The following PCDHGA7 variants were observed in gnomAD, a reference collection of about 807,000 sequenced individuals.
The protein encoded by PCDHGA7 is protocadherin gamma subfamily A, 7.
A neutral mutation model predicts 58.3 loss-of-function variants in PCDHGA7; 44 were observed. The observed-to-expected ratio is 0.75, with a 90% CI of 0.59 to 0.97. The LOEUF (loss-of-function observed/expected upper bound fraction) is 0.97. PCDHGA7 is among the 50% of genes least tolerant of loss of function. PCDHGA7 has a pLI of 0.00. For missense variants in PCDHGA7, 1,266 were observed against 1,188.7 expected, an observed-to-expected ratio of 1.06 and a Z score of -0.96; for synonymous variants, 516 against 504.2, an observed-to-expected ratio of 1.02 and a Z score of -0.31.
chr5:141,481,475 C>T (rs1423011632), intron 1 of PCDHGA7, among the ~76,000 whole-genome samples: 1 of 152,200 alleles, frequency 6.6e-6, no homozygotes, highest in Non-Finnish European at 1.5e-5. Context: ...TTGGATTATA[C>T]ACTTTAAATA....
Position 141,485,668 on chromosome 5 carries a change from T to C in PCDHGA7, c.2425-9139T>C. 6.2e-7 allele frequency: 1 copy of C among 1,612,698 alleles called. No homozygotes were observed. The highest frequency in any genetic ancestry group is 1.3e-5 in the African/African-American group (1 of 74,972). ...CTCAGGATGCAGATGTGGGGAGCAA[T>C]TCGATTAGCAGCTATAGGCTGAGCT... On this transcript the variant is annotated intron_variant, in intron 1 of 3. Transcript: ENST00000518325. The surrounding 1 kb of genome is among the most constrained non-coding windows in gnomAD (Gnocchi z 5.7).
intron 1 of PCDHGA7, among the ~76,000 whole-genome samples, chr5:141,458,664 G>A (rs544369246): frequency 6.6e-6 from 1 of 152,196 alleles, no homozygotes; most frequent in African/African-American, 2.4e-5. Context: ...CCACCTCTCG[G>A]GTTCAAGCAA....
At chr5:141,393,246 A>G (rs1434145740) in intron 1 of PCDHGA7, 2 of 1,613,694 alleles carry the variant, frequency 1.2e-6, no homozygotes, top group Non-Finnish European at 1.7e-6. Flanking sequence ...AATTAACGAA[A>G]TCGCGGTTCC....
Position 141,490,398 on chromosome 5 carries a change from C to A in PCDHGA7, c.2425-4409C>A. 1 of 1,614,168 alleles carries A rather than the reference C, an allele frequency of 6.2e-7. No homozygotes were observed. Among genetic ancestry groups the A allele is most frequent in the South Asian group, 1.1e-5 (1 of 91,088 alleles). On this transcript the variant is annotated intron_variant, in intron 1 of 3. Coordinates refer to ENST00000518325, the MANE Select transcript of PCDHGA7 (RefSeq NM_018920.4). This position sits in a 1 kb window ranked among gnomAD's most constrained non-coding sequence, Gnocchi z 5.4. ...ACTCAGGTAGAAATGGTGAAGTGAG[C>A]CTTGATATCTCTCCGGACCTGCCAT...
At position 141,487,075 on chromosome 5, in the gene PCDHGA7, C is replaced by T. The variant is rs755563146; in HGVS notation, c.2425-7732C>T. The T allele has an allele frequency of 1.9e-6, 3 of 1,614,116 alleles. No individual in the cohort carries two copies. The highest frequency in any genetic ancestry group is 2.5e-6 in the Non-Finnish European group (3 of 1,179,982). ...GGGAGGTGCGGACGGCTGTTCCTATCCCAGCTGACCTCCCACCACAGAAGC... is the reference window on the plus strand; with the variant it reads ...GGGAGGTGCGGACGGCTGTTCCTATTCCAGCTGACCTCCCACCACAGAAGC... On this transcript the variant is annotated intron_variant, in intron 1 of 3. Transcript: ENST00000518325. This position sits in a 1 kb window ranked among gnomAD's most constrained non-coding sequence, Gnocchi z 5.0.
chr5:141,399,643 C>T, intron 1 of PCDHGA7: 1 of 1,613,832 alleles, frequency 6.2e-7, no homozygotes, highest in Non-Finnish European at 8.5e-7. Context: ...CATGAGCGCG[C>T]AAAGTGGGGT....
At chr5:141,437,589 T>C (rs929281293) in intron 1 of PCDHGA7, among the ~76,000 whole-genome samples, 10 of 152,306 alleles carry the variant, frequency 6.6e-5, no homozygotes, top group African/African-American at 2.2e-4. Flanking sequence ...ATGAATTGGA[T>C]AGTTCTGGTG....
At chr5:141,459,831 G>A (rs907978430) in intron 1 of PCDHGA7, among the ~76,000 whole-genome samples, 1 of 152,150 alleles carries the variant, frequency 6.6e-6, no homozygotes, top group Admixed American at 6.6e-5. Context: ...CTTTTCATGT[G>A]TTGTCTATTT....
chr5:141,411,921 T>C (rs1426892834), intron 1 of PCDHGA7: 1 of 152,234 alleles, frequency 6.6e-6, no homozygotes, highest in Non-Finnish European at 1.5e-5. Context: ...TCAGTCTCTG[T>C]CTCTGATTCT....
Position 141,476,220 on chromosome 5 carries a change from A to G in PCDHGA7, c.2425-18587A>G, listed in dbSNP as rs770978000. On this transcript the variant is annotated intron_variant, in intron 1 of 3. Coordinates refer to ENST00000518325, the MANE Select transcript of PCDHGA7 (RefSeq NM_018920.4). This position sits in a 1 kb window ranked among gnomAD's most constrained non-coding sequence, Gnocchi z 7.6. Reference sequence around the variant, plus strand: ...AACAAGGCTTCCACGGTCATTCACTATGAGATCCCGGAGGAAAGAGAGAAG... The same window carrying G: ...AACAAGGCTTCCACGGTCATTCACTGTGAGATCCCGGAGGAAAGAGAGAAG... 44 of 1,613,884 alleles carry G rather than the reference A, an allele frequency of 2.7e-5. No individual in the cohort carries two copies. The highest frequency in any genetic ancestry group is 3.4e-5 in the Non-Finnish European group (40 of 1,180,004).
At chr5:141,478,936 G>A in intron 1 of PCDHGA7, 1 of 633,220 alleles carries the variant, frequency 1.6e-6, no homozygotes, top group African/African-American at 1.9e-5. Context: ...GCAGCTTCTA[G>A]GAATACAAAA....
Position 141,511,303 on chromosome 5 carries a change from C to T in PCDHGA7, c.*130C>T, listed in dbSNP as rs2099883709. 2.7e-6 allele frequency: 4 copies of T among 1,490,160 alleles called. No homozygotes were observed. Among genetic ancestry groups the T allele is most frequent in the Non-Finnish European group, 3.6e-6 (4 of 1,116,196 alleles). 92.3% of individuals were successfully genotyped at this position (1,490,160 alleles called of 1,614,324 possible). ...CTGGTAGGGGCCAAGGCCATGCTCC[C>T]CTTGGGAAACAGAAACAAGTGCCCA... On this transcript the variant is annotated 3_prime_UTR_variant, in exon 4 of 4. Coordinates refer to ENST00000518325, the MANE Select transcript of PCDHGA7 (RefSeq NM_018920.4).
At chr5:141,415,810 T>TATATATC in intron 1 of PCDHGA7, 1 of 1,360,418 alleles carries the variant, frequency 7.4e-7, no homozygotes, top group Non-Finnish European at 9.5e-7. Flanking sequence ...AATCAAGGCC[T>TATATATC]ATATATCATA....
intron 1 of PCDHGA7, chr5:141,409,463 A>G (rs751200597): frequency 1.2e-6 from 2 of 1,613,744 alleles, no homozygotes; most frequent in Non-Finnish European, 1.7e-6. Context: ...ATACAATGTC[A>G]CCATCGTAGC....
At chr5:141,414,587 G>A (rs775783880) in intron 1 of PCDHGA7, 5 of 1,613,828 alleles carry the variant, frequency 3.1e-6, no homozygotes, top group Non-Finnish European at 8.5e-7. Context: ...AACAACGCCA[G>A]GGGTGCCTCC....
At chr5:141,387,637 G>A (rs1397986235) in intron 1 of PCDHGA7, 14 of 603,144 alleles carry the variant, frequency 2.3e-5, no homozygotes, top group Non-Finnish European at 3.7e-5. Context: ...GGGCGCCGCT[G>A]TTGGCCAAAG....
In PCDHGA7 at chr5:141,489,200, G is replaced by A. The variant is rs1483035320; in HGVS notation, c.2425-5607G>A. The A allele has an allele frequency of 2.8e-6, 4 of 1,412,792 alleles. No individual in the cohort carries two copies. The highest frequency in any genetic ancestry group is 3.9e-6 in the Non-Finnish European group (4 of 1,038,374). The allele number at this position is 1,412,792 out of a possible 1,614,324, so 87.5% of individuals were successfully genotyped here. A position where few individuals can be genotyped will look rare whatever the true frequency, so the allele number is the denominator to read the frequency against. On this transcript the variant is annotated intron_variant, in intron 1 of 3. Coordinates refer to ENST00000518325, the MANE Select transcript of PCDHGA7 (RefSeq NM_018920.4). This position sits in a 1 kb window ranked among gnomAD's most constrained non-coding sequence, Gnocchi z 4.5. ...AAGCCCTGGGTCTACCTTGGAGACAGGACAGCACAGACTTACTCTCCACAA... is the reference window on the plus strand; with the variant it reads ...AAGCCCTGGGTCTACCTTGGAGACAAGACAGCACAGACTTACTCTCCACAA...
At chr5:141,482,943 G>T (rs2099574928) in intron 1 of PCDHGA7, among the ~76,000 whole-genome samples, 1 of 152,086 alleles carries the variant, frequency 6.6e-6, no homozygotes, top group Non-Finnish European at 1.5e-5. Context: ...TGTGGTTGTG[G>T]GTGCCTGTAA....
chr5:141,476,978 C>A lies in PCDHGA7; in HGVS notation c.2425-17829C>A, dbSNP rs1468851988. The A allele has an allele frequency of 2.5e-6, 4 of 1,614,138 alleles. No individual in the cohort carries two copies. Among genetic ancestry groups the A allele is most frequent in the Admixed American group, 3.3e-5 (2 of 60,012 alleles). On this transcript the variant is annotated intron_variant, in intron 1 of 3. Transcript: ENST00000518325. This position sits in a 1 kb window ranked among gnomAD's most constrained non-coding sequence, Gnocchi z 7.6. ...TATTTACTCCTTCGGCAGCCACAAC[C>A]GCGCCGGCGTGCGGCAACTATTCGC...
Sources: gnomAD v4.1 joint callset for allele counts (sites outside exome capture counted in the v4.1 genomes callset) on GRCh38, gnomAD v4.1.1 for gene constraint, Gnocchi (gnomAD v3.1) non-coding constraint, MANE v1.5 for transcripts, NCBI Gene and HGNC (gene_info 2026-07-23, HGNC 2026-07-21) for gene names.